The following PDGFRA variants were observed in gnomAD, a reference collection of about 807,000 sequenced individuals.
PDGFRA encodes the protein platelet-derived growth factor receptor alpha.
A neutral mutation model predicts 121.5 loss-of-function variants in PDGFRA; 25 were observed. The ratio of observed to expected loss-of-function variants is 0.21; its 90% CI spans 0.15 to 0.29. The LOEUF (loss-of-function observed/expected upper bound fraction) is 0.29. PDGFRA is among the 10% of genes least tolerant of loss of function. The probability of loss-of-function intolerance (pLI) is 1.00; values close to 1 mark genes in which losing one functional copy is unlikely to be tolerated. For synonymous variants in PDGFRA, 463 were observed against 494.8 expected (o/e 0.94, Z 0.85); for missense variants, 1,008 against 1,345.1 (o/e 0.75, Z 3.92).
chr4:54,247,074 T>G (rs1031506280), intron 1 of PDGFRA, among the ~76,000 whole-genome samples: 1 of 152,146 alleles, frequency 6.6e-6, no homozygotes, highest in Non-Finnish European at 1.5e-5. Flanking sequence ...GTGGCAATAA[T>G]CAGTAGCTTA....
intron 1 of PDGFRA, among the ~76,000 whole-genome samples, chr4:54,251,235 C>A (rs1160990359): frequency 2.6e-5 from 4 of 151,954 alleles, no homozygotes; most frequent in Admixed American, 2.0e-4. Flanking sequence ...AATAAAAGAC[C>A]AAAACAATCT....
chr4:54,281,702 A>G, intron 16 of PDGFRA: 1 of 1,362,880 alleles, frequency 7.3e-7, no homozygotes, highest in Non-Finnish European at 9.7e-7. Flanking sequence ...AAAATCGTGA[A>G]TGGCTAGAGC....
intron 1 of PDGFRA, among the ~76,000 whole-genome samples, chr4:54,233,162 G>A (rs968128176): frequency 2.0e-5 from 3 of 151,334 alleles, no homozygotes; most frequent in Non-Finnish European, 3.0e-5. Context: ...GCAGCTCTGA[G>A]GTTCAGAGCG....
chr4:54,284,219 C>A (rs897075497), intron 16 of PDGFRA, among the ~76,000 whole-genome samples: 1 of 152,182 alleles, frequency 6.6e-6, no homozygotes, highest in African/African-American at 2.4e-5. Flanking sequence ...ATTTTGGTCA[C>A]AAGCATTTAA....
chr4:54,261,393 C>T lies in PDGFRA; in HGVS notation c.348C>T (p.His116=), dbSNP rs1182699578. The T allele has an allele frequency of 1.9e-6, 3 of 1,613,956 alleles. No homozygotes were observed. The Admixed American group carries it at 5.0e-5, about 27-fold the overall frequency. ...QTEENELEGR[H]IYIYVPDPDV... is the part of the protein sequence containing the mutation. ...AAGAGAATGAGCTTGAAGGCAGGCACATTTACATCTATGTGCCAGGTGAGT... is the reference window on the plus strand; with the variant it reads ...AAGAGAATGAGCTTGAAGGCAGGCATATTTACATCTATGTGCCAGGTGAGT... The change falls in exon 3 of 23, where the codon CAC becomes CAT. Residue 116 remains histidine, a synonymous_variant. Transcript: ENST00000257290.
At chr4:54,272,643 G>A (rs1476318195) in intron 9 of PDGFRA, 123 bp downstream of exon 9, 7 of 1,066,582 alleles carry the variant, frequency 6.6e-6, no homozygotes, top group South Asian at 3.9e-5. Context: ...TAGCTTCAGG[G>A]TGTGTATCTT....
chr4:54,291,935 A>C (rs942880929), intron 22 of PDGFRA, among the ~76,000 whole-genome samples: 3 of 152,188 alleles, frequency 2.0e-5, no homozygotes, highest in African/African-American at 7.2e-5. Context: ...ACCATGGAAT[A>C]CTATGTGTTG....
Position 54,263,994 on chromosome 4 carries a change from A to AT in PDGFRA, c.628+82dup, listed in dbSNP as rs138257527. 23,604 of 1,190,402 alleles carry AT rather than the reference A, an allele frequency of 0.02. 9 individuals carry two copies. The highest frequency in any genetic ancestry group is 0.023 in the African/African-American group (1,449 of 62,848). The allele number at this position is 1,190,402 out of a possible 1,614,324, so 73.7% of individuals were successfully genotyped here. A position where few individuals can be genotyped will look rare whatever the true frequency, so the allele number is the denominator to read the frequency against. On this transcript the variant is annotated intron_variant, in intron 4 of 22. Coordinates refer to ENST00000257290, the MANE Select transcript of PDGFRA (RefSeq NM_006206.6). Reference sequence around the variant, plus strand: ...GGCAAAATCATAAGGTGCGTGTAGGATTTTTTTTTTTTTTTAAATCATCAT... The same window carrying AT: ...GGCAAAATCATAAGGTGCGTGTAGGATTTTTTTTTTTTTTTTAAATCATCAT...
At chr4:54,295,056 TGG>T in intron 22 of PDGFRA, 67 bp from the exon 23 acceptor site, 1 of 1,488,742 alleles carries the variant, frequency 6.7e-7, no homozygotes, top group Non-Finnish European at 9.4e-7. Flanking sequence ...CGTTTGTCTC[TGG>T]GGGGCCACAG....
At chr4:54,254,491 TG>T (rs1722242553) in intron 1 of PDGFRA, among the ~76,000 whole-genome samples, 1 of 152,182 alleles carries the variant, frequency 6.6e-6, no homozygotes, top group Admixed American at 6.5e-5. Flanking sequence ...CAGGGAAATC[TG>T]GTGGGGTCTG....
intron 4 of PDGFRA, chr4:54,264,173 G>A: frequency 1.8e-6 from 1 of 555,582 alleles, no homozygotes; most frequent in Non-Finnish European, 3.2e-6. Flanking sequence ...ATACTGTAAG[G>A]AATTCTTTTC....
Position 54,267,618 on chromosome 4 carries a change from A to G in PDGFRA, c.998A>G (p.Lys333Arg), listed in dbSNP as rs1577715382. The G allele has an allele frequency of 1.9e-6, 3 of 1,614,172 alleles. No homozygotes were observed. The highest frequency in any genetic ancestry group is 4.5e-5 in the East Asian group (2 of 44,876). ...QLEAVNLHEVKHFVVEVRAYP... is the reference protein window; with the variant it reads ...QLEAVNLHEVRHFVVEVRAYP... ...GAAGCTGTCAACCTGCATGAAGTCA[A>G]ACATTTTGTTGTAGAGGTGCGGGCC... Residue 333 changes from lysine to arginine, a missense_variant, in exon 7 of 23, where the codon AAA becomes AGA. Lys to Arg is a conservative substitution (Grantham distance 26, BLOSUM62 2). Transcript: ENST00000257290.
At chr4:54,286,897 C>T (rs1160700609) in intron 18 of PDGFRA, among the ~76,000 whole-genome samples, 4 of 152,168 alleles carry the variant, frequency 2.6e-5, no homozygotes, top group South Asian at 4.1e-4. Context: ...TGACATAGCT[C>T]CCTGTGGGGA....
At chr4:54,250,812 C>G (rs1439376905) in intron 1 of PDGFRA, among the ~76,000 whole-genome samples, 2 of 152,114 alleles carry the variant, frequency 1.3e-5, no homozygotes, top group Non-Finnish European at 2.9e-5. Flanking sequence ...CAACTGTAAT[C>G]CCAGCACTTT....
chr4:54,277,975 T>C lies in PDGFRA; in HGVS notation c.1971T>C (p.Ile657=). The C allele has an allele frequency of 6.2e-7, 1 of 1,613,416 alleles. No individual in the cohort carries two copies. Among genetic ancestry groups the C allele is most frequent in the Non-Finnish European group, 8.5e-7 (1 of 1,179,346 alleles). The change falls in exon 14 of 23, where the codon ATT becomes ATC. Residue 657 remains isoleucine (I), a synonymous_variant. Transcript: ENST00000257290. ...CTCACCTGGGGCCACATTTGAACAT[T>C]GTAAACTTGCTGGGAGCCTGCACCA... is the stretch of plus-strand genomic sequence containing the variant. ...IMTHLGPHLN[I]VNLLGACTKS... is the part of the protein sequence containing the mutation.
At chr4:54,236,771 C>G (rs947534646) in intron 1 of PDGFRA, among the ~76,000 whole-genome samples, 15 of 151,862 alleles carry the variant, frequency 9.9e-5, no homozygotes, top group Non-Finnish European at 1.6e-4. Flanking sequence ...CCACTGCACT[C>G]CAGCCCAGGC....
At chr4:54,267,072 GT>G (rs1467721875) in intron 5 of PDGFRA, among the ~76,000 whole-genome samples, 1 of 152,122 alleles carries the variant, frequency 6.6e-6, no homozygotes, top group Non-Finnish European at 1.5e-5. Flanking sequence ...GCAGTTTTAG[GT>G]TTACAGCAAA....
intron 1 of PDGFRA, among the ~76,000 whole-genome samples, chr4:54,244,106 C>A (rs922840530): frequency 3.3e-5 from 5 of 152,218 alleles, no homozygotes; most frequent in African/African-American, 1.2e-4. Flanking sequence ...AGGAGGCCTG[C>A]CTGCCTCTGT....
chr4:54,260,406 T>G (rs150604221), intron 2 of PDGFRA, among the ~76,000 whole-genome samples: 34 of 88,768 alleles, frequency 3.8e-4, no homozygotes, highest in African/African-American at 1.3e-3. Flanking sequence ...GGTTTTTTTT[T>G]TTTTTTTTTT....
Sources: allele counts gnomAD v4.1 joint callset (sites outside exome capture counted in the v4.1 genomes callset), GRCh38; gene constraint gnomAD v4.1.1; transcripts MANE v1.5; gene names NCBI Gene and HGNC (gene_info 2026-07-23, HGNC 2026-07-21).